The following COPA variants were observed in gnomAD, a reference collection of about 807,000 sequenced individuals.
COPA encodes coatomer subunit alpha.
In COPA, 10 loss-of-function variants were observed where a neutral mutation model predicts 158.7. The ratio of observed to expected loss-of-function variants is 0.06; its 90% CI spans 0.04 to 0.11. The LOEUF is 0.11. Among genes scored for constraint, COPA ranks in the 10% least tolerant of loss-of-function variants. The pLI, the probability that COPA is intolerant of heterozygous loss-of-function variation, is 1.00. For synonymous variants in COPA, 462 were observed against 542.8 expected (o/e 0.85, Z 2.07); for missense variants, 1,065 against 1,536.7 (o/e 0.69, Z 5.13).
intron 9 of COPA, 111 bp from the exon 10 acceptor site, chr1:160,313,278 G>T: frequency 1.1e-6 from 1 of 901,480 alleles, no homozygotes; most frequent in South Asian, 1.5e-5. Context: ...GTAAATCAGG[G>T]AGAGTAAACT....
At chr1:160,336,420 T>G (rs1267238453) in intron 3 of COPA, among the ~76,000 whole-genome samples, 1 of 152,080 alleles carries the variant, frequency 6.6e-6, no homozygotes, top group Non-Finnish European at 1.5e-5. Flanking sequence ...GCTCCTAACT[T>G]GATGGCAAAC....
chr1:160,297,427 T>G lies in COPA; in HGVS notation c.2179A>C (p.Lys727Gln). Residue 727 changes from lysine (K) to glutamine (Q), a missense_variant, in exon 21 of 33, where the codon AAG (lysine) becomes CAG (glutamine). Lys to Gln is a moderately conservative substitution (Grantham distance 53). Transcript: ENST00000241704. The stretch of plus-strand genomic sequence containing the variant: ...TTCTGATAGTGGCCACTCATGTCCT[T>G]TCTGATCTCAGCTGCACCAAGTAAG... ...RKMMKIAEIR[K>Q]DMSGHYQNAL... is the part of the protein sequence containing the mutation. 1.2e-6 allele frequency: 2 copies of G among 1,614,198 alleles called. No homozygotes were observed. The highest frequency in any genetic ancestry group is 2.2e-5 in the East Asian group (1 of 44,892).
Position 160,297,741 on chromosome 1 carries a change from G to A in COPA, c.1982C>T (p.Ala661Val). 1 of 1,613,416 alleles carries A rather than the reference G, an allele frequency of 6.2e-7. No homozygotes were observed. Among genetic ancestry groups the A allele is most frequent in the Non-Finnish European group, 8.5e-7 (1 of 1,179,754 alleles). The change falls in exon 20 of 33, where the codon GCT (alanine) becomes GTT (valine). Residue 661 changes from alanine (A) to valine (V), a missense_variant. By Grantham distance (64) the Ala-to-Val change is moderately conservative (BLOSUM62 0). Coordinates refer to ENST00000241704, the MANE Select transcript of COPA (RefSeq NM_004371.4). ...LALECGNIEIALEAAKALDDK... is the reference protein window; with the variant it reads ...LALECGNIEIVLEAAKALDDK... ...ATCCAGTGCTTTGGCTGCTTCCAGA[G>A]CAATCTAAAGAATCCCCAGGGTCGT...
In COPA at chr1:160,289,543, G is replaced by A. The variant is rs569949794; in HGVS notation, c.*614C>T. 1 of 151,982 alleles carries A rather than the reference G, an allele frequency of 6.6e-6. No individual in the cohort carries two copies. Among genetic ancestry groups the A allele is most frequent in the Non-Finnish European group, 1.5e-5 (1 of 68,028 alleles). The allele number at this position is 151,982 out of a possible 1,614,324, so 9.4% of individuals were successfully genotyped here. On this transcript the variant is annotated 3_prime_UTR_variant, in exon 33 of 33. Coordinates refer to ENST00000241704, the MANE Select transcript of COPA (RefSeq NM_004371.4). ...AAAGAAAGCTGCTGTGGGGAAAGGAGGGATAAATACTGAAGGGATTTACTA... is the reference window on the plus strand; with the variant it reads ...AAAGAAAGCTGCTGTGGGGAAAGGAAGGATAAATACTGAAGGGATTTACTA...
intron 4 of COPA, among the ~76,000 whole-genome samples, chr1:160,333,985 G>C (rs1267768309): frequency 1.4e-5 from 2 of 139,702 alleles, no homozygotes; most frequent in African/African-American, 2.8e-5. Flanking sequence ...GTGTGTGTGT[G>C]TATTTATATA....
Position 160,291,409 on chromosome 1 carries a change from T to C in COPA, c.3346A>G (p.Lys1116Glu), listed in dbSNP as rs1658226146. Residue 1116 changes from lysine to glutamate, a missense_variant, in exon 31 of 33, where the codon AAG (lysine) becomes GAG (glutamate). Coordinates refer to ENST00000241704, the MANE Select transcript of COPA (RefSeq NM_004371.4). ...AAGGTGGCAGCTGTCTTGAAGTTCT[T>C]GAGCTTGAAGAACAGATTGAGGGCT... ...RTALNLFFKL[K>E]NFKTAATFAR... 1 of 1,614,154 alleles carries C rather than the reference T, an allele frequency of 6.2e-7. No homozygotes were observed. The highest frequency in any genetic ancestry group is 8.5e-7 in the Non-Finnish European group (1 of 1,180,016).
intron 17 of COPA, among the ~76,000 whole-genome samples, chr1:160,301,898 T>C (rs1225793171): frequency 6.6e-6 from 1 of 151,988 alleles, no homozygotes; most frequent in African/African-American, 2.4e-5. Context: ...CAAAATTCCT[T>C]CATAGAAAAG....
chr1:160,304,581 T>C (rs1268142978), intron 17 of COPA, among the ~76,000 whole-genome samples: 1 of 151,956 alleles, frequency 6.6e-6, no homozygotes, highest in African/African-American at 2.4e-5. Flanking sequence ...GGAGAATCAC[T>C]TGAACCCAGG....
At chr1:160,291,557 T>G in intron 30 of COPA, 61 bp from the exon 31 acceptor site, 1 of 1,573,630 alleles carries the variant, frequency 6.4e-7, no homozygotes, top group Non-Finnish European at 8.7e-7. Flanking sequence ...AAGTCATTTC[T>G]AAGCTGCTAC....
chr1:160,340,845 GCTCT>G (rs949806946), intron 1 of COPA, among the ~76,000 whole-genome samples: 2 of 152,082 alleles, frequency 1.3e-5, no homozygotes, highest in African/African-American at 4.8e-5. Context: ...GATCTCTAGT[GCTCT>G]CTCTCTGCAG....
chr1:160,291,361 C>T lies in COPA; in HGVS notation c.3394G>A (p.Gly1132Arg), dbSNP rs1384001854. 6.2e-7 allele frequency: 1 copy of T among 1,613,822 alleles called. No homozygotes were observed. Among genetic ancestry groups the T allele is most frequent in the Non-Finnish European group, 8.5e-7 (1 of 1,179,928 alleles). ...ATFARRLLEL[G>R]PKPEVAQQTR... ...TGTTGGGCCACCTCAGGCTTGGGCC[C>T]GAGTTCTAGTAGGCGCCGAGCAAAG... The change falls in exon 31 of 33, where the codon GGG (glycine) becomes AGG (arginine). Residue 1132 changes from glycine (G) to arginine (R), a missense_variant. Physicochemically the swap from Gly to Arg is moderately radical, Grantham distance 125. Coordinates refer to ENST00000241704, the MANE Select transcript of COPA (RefSeq NM_004371.4).
rs1010913876 is a variant in COPA, at chr1:160,293,546, G to A, written c.2677-83C>T. The A allele has an allele frequency of 1.9e-6, 2 of 1,076,084 alleles. 1 individual carries two copies. Among genetic ancestry groups the A allele is most frequent in the Non-Finnish European group, 2.7e-6 (2 of 754,252 alleles). The allele number at this position is 1,076,084 out of a possible 1,614,324, so 66.7% of individuals were successfully genotyped here. On this transcript the variant is annotated intron_variant, in intron 25 of 32. Coordinates refer to ENST00000241704, the MANE Select transcript of COPA (RefSeq NM_004371.4). ...GTCACACTCTGTCACCTAGACTGGA[G>A]TACAGAGGCATGATCTCGGCACACT...
rs767743920 is a variant in COPA at position 160,294,787 on chromosome 1, T to G, written c.2547A>C (p.Ala849=). The change falls in exon 24 of 33, where the codon GCA becomes GCC. Residue 849 remains alanine (A), a synonymous_variant. Transcript: ENST00000241704. ...TTTTACCTTCATCCAACTGCAGCTC[T>G]GCATCCTCTCCCCAGCCCTCTGTAC... ...TVGTEGWGED[A]ELQLDEDGFV... is the part of the protein sequence containing the mutation. The G allele has an allele frequency of 3.1e-6, 5 of 1,614,088 alleles. No homozygotes were observed. The highest frequency in any genetic ancestry group is 1.6e-4 in the Middle Eastern group (1 of 6,084).
chr1:160,336,959 T>G (rs913541932), intron 3 of COPA, among the ~76,000 whole-genome samples: 42 of 152,296 alleles, frequency 2.8e-4, no homozygotes, highest in African/African-American at 9.9e-4. Flanking sequence ...AAGTGCTCAG[T>G]AAGCATTATG....
At chr1:160,305,000 C>A (rs1658736737) in intron 17 of COPA, among the ~76,000 whole-genome samples, 1 of 151,952 alleles carries the variant, frequency 6.6e-6, no homozygotes, top group African/African-American at 2.4e-5. Flanking sequence ...TATATGAAGG[C>A]AAAACCAGGC....
At chr1:160,340,829 C>T (rs939605897) in intron 1 of COPA, among the ~76,000 whole-genome samples, 1 of 152,128 alleles carries the variant, frequency 6.6e-6, no homozygotes, top group African/African-American at 2.4e-5. Flanking sequence ...GAGAAGACAT[C>T]CTGCAGATCT....
At chr1:160,335,124 T>C (rs780915583) in intron 4 of COPA, 118 bp downstream of exon 4, 4 of 815,946 alleles carry the variant, frequency 4.9e-6, no homozygotes, top group Middle Eastern at 2.6e-4. Flanking sequence ...ACACAGATTG[T>C]AGAAGAGCCA....
rs1258813228 is a variant in COPA at position 160,289,439 on chromosome 1, T to C, written c.*718A>G. ...TTGAAATTTAAATGTCTAAGGAAAA[T>C]GGGAGATGATTAAGAGTTGGTGTGG... On this transcript the variant is annotated 3_prime_UTR_variant, in exon 33 of 33. Coordinates refer to ENST00000241704, the MANE Select transcript of COPA (RefSeq NM_004371.4). 1 of 151,984 alleles carries C rather than the reference T, an allele frequency of 6.6e-6. No homozygotes were observed. The highest frequency in any genetic ancestry group is 2.1e-4 in the South Asian group (1 of 4,824). The allele number at this position is 151,984 out of a possible 1,614,324, so 9.4% of individuals were successfully genotyped here.
At chr1:160,317,938 G>A (rs1219186233) in intron 8 of COPA, among the ~76,000 whole-genome samples, 1 of 151,920 alleles carries the variant, frequency 6.6e-6, no homozygotes, top group Non-Finnish European at 1.5e-5. Flanking sequence ...TAAAAATTAC[G>A]TGTGCACAGA....
Sources: gnomAD v4.1 joint callset for allele counts (sites outside exome capture counted in the v4.1 genomes callset) on GRCh38, gnomAD v4.1.1 for gene constraint, MANE v1.5 for transcripts, NCBI Gene and HGNC (gene_info 2026-07-23, HGNC 2026-07-21) for gene names.